The following SAR1B variants were observed in gnomAD, a reference collection of about 807,000 sequenced individuals.
SAR1B encodes the protein small COPII coat GTPase SAR1B.
SAR1B carries 23 observed loss-of-function variants against 26.8 expected under a neutral mutation model. The ratio of observed to expected loss-of-function variants is 0.86; its 90% CI spans 0.62 to 1.22. The LOEUF is 1.22. Ranked by LOEUF, SAR1B falls within the 50% of genes most tolerant of loss-of-function variation. SAR1B has a pLI of 0.00. For missense variants in SAR1B, 196 were observed against 232.8 expected (o/e 0.84, Z 1.03); for synonymous variants, 65 against 80.8 (o/e 0.80, Z 1.05).
At chr5:134,622,967 C>CA (rs1765436156) in intron 2 of SAR1B, among the ~76,000 whole-genome samples, 1 of 150,444 alleles carries the variant, frequency 6.6e-6, no homozygotes, top group African/African-American at 2.4e-5. Context: ...ACTAAAAATA[C>CA]AAAAAATTAG....
At chr5:134,629,894 A>T (rs181394747) in intron 1 of SAR1B, among the ~76,000 whole-genome samples, 77 of 150,304 alleles carry the variant, frequency 5.1e-4, no homozygotes, top group Middle Eastern at 3.4e-3. Flanking sequence ...TCAAAAAAAA[A>T]AAAAAGAAAA....
chr5:134,627,452 C>G (rs1249413809), intron 1 of SAR1B, among the ~76,000 whole-genome samples: 1 of 152,060 alleles, frequency 6.6e-6, no homozygotes, highest in Non-Finnish European at 1.5e-5. Context: ...CCCACCTCAA[C>G]CTCCTGAGTA....
intron 4 of SAR1B, 50 bp downstream of exon 4, chr5:134,612,641 T>TG (rs1765234275): frequency 1.3e-6 from 1 of 743,780 alleles, no homozygotes; most frequent in African/African-American, 4.6e-5. Context: ...TGAGCCTGTC[T>TG]AAAAAAAAAA....
Position 134,627,816 on chromosome 5 carries a change from A to ATAAG in SAR1B, c.-18-3780_-18-3779insCTTA. ...TCCATCCCAAAAAATAAATAAATAA[A>ATAAG]TAAATAAATAAATAAATAAATAAAT... On this transcript the variant is annotated intron_variant, in intron 1 of 6. Coordinates refer to ENST00000402673, the MANE Select transcript of SAR1B (RefSeq NM_016103.4). Among the ~76,000 whole-genome samples the ATAAG allele has an allele frequency of 2.0e-5, 3 of 147,096 alleles. No homozygotes were observed. In the South Asian group the frequency reaches 6.4e-4, roughly 32 times the overall value.
chr5:134,629,542 C>T (rs1765562141), intron 1 of SAR1B, among the ~76,000 whole-genome samples: 1 of 151,920 alleles, frequency 6.6e-6, no homozygotes, highest in Non-Finnish European at 1.5e-5. Context: ...ACTAAAAATA[C>T]AAAAATTAGC....
intron 3 of SAR1B, among the ~76,000 whole-genome samples, chr5:134,620,018 G>A (rs1483524988): frequency 6.6e-6 from 1 of 151,938 alleles, no homozygotes; most frequent in Non-Finnish European, 1.5e-5. Flanking sequence ...TTTAAAATCT[G>A]AAAGAAGCCT....
rs1031820916 is a variant in SAR1B at position 134,627,153 on chromosome 5, G to A, written c.-18-3116C>T. Among the ~76,000 whole-genome samples, 6 of 151,970 alleles carry A rather than the reference G, an allele frequency of 3.9e-5. No individual in the cohort carries two copies. The East Asian group carries it at 1.2e-3, about 30-fold the overall frequency. On this transcript the variant is annotated intron_variant, in intron 1 of 6. Coordinates refer to ENST00000402673, the MANE Select transcript of SAR1B (RefSeq NM_016103.4). ...TGTAAGCTCCACCTCCCAGGTTCAC[G>A]CCATTCTCCTGCCTCAGCCTCCCGA...
intron 2 of SAR1B, among the ~76,000 whole-genome samples, chr5:134,621,866 A>G (rs1431087846): frequency 2.6e-5 from 4 of 152,128 alleles, no homozygotes; most frequent in African/African-American, 9.7e-5. Context: ...CCTCCTGAGT[A>G]GCTGAGACTA....
At position 134,623,984 on chromosome 5, in the gene SAR1B, G is replaced by A. The variant is rs761708416; in HGVS notation, c.36C>T (p.Phe12=). 2.1e-5 allele frequency: 34 copies of A among 1,611,136 alleles called. No homozygotes were observed. The highest frequency in any genetic ancestry group is 2.9e-5 in the Non-Finnish European group (34 of 1,177,370). ...SFIFDWIYSG[F]SSVLQFLGLY... ...TACCTAAAAACTGTAGCACACTGCT[G>A]AAACCACTGTAAATCCAATCAAATA... The change falls in exon 2 of 7, where the codon TTC becomes TTT. Residue 12 remains phenylalanine, a synonymous_variant. Coordinates refer to ENST00000402673, the MANE Select transcript of SAR1B (RefSeq NM_016103.4).
chr5:134,614,095 C>T (rs773983038), intron 3 of SAR1B: 3 of 151,974 alleles, frequency 2.0e-5, no homozygotes, highest in Non-Finnish European at 4.4e-5. Context: ...CACTTGAGCC[C>T]AGGAGTTCGA....
In SAR1B at chr5:134,604,773, AC is replaced by A. The variant is rs1024163372; in HGVS notation, c.*2176del. The A allele has an allele frequency of 8.5e-5, 13 of 152,214 alleles. 1 individual carries two copies. The highest frequency in any genetic ancestry group is 7.2e-4 in the Admixed American group (11 of 15,284). 9.4% of individuals were successfully genotyped at this position (152,214 alleles called of 1,614,324 possible). ...ACCAGTATGTTTTTTTTTCATTTAT[AC>A]CCATTTACAACACAAATAATTAGCT... On this transcript the variant is annotated 3_prime_UTR_variant, in exon 7 of 7. Coordinates refer to ENST00000402673, the MANE Select transcript of SAR1B (RefSeq NM_016103.4).
intron 3 of SAR1B, among the ~76,000 whole-genome samples, chr5:134,619,983 C>T (rs1433104126): frequency 1.3e-5 from 2 of 151,964 alleles, no homozygotes; most frequent in Admixed American, 6.6e-5. Flanking sequence ...CCTGTCTCTA[C>T]ACAAATAAAA....
Position 134,605,659 on chromosome 5 carries a change from C to CAAAAAAAAAAAAAAAAAAAAAAACA in SAR1B, c.*1290_*1291insTGTTTTTTTTTTTTTTTTTTTTTTT, listed in dbSNP as rs1026047463. ...GTCTCTAAAACAAAATGAAACAGAG[C>CAAAAAAAAAAAAAAAAAAAAAAACA]AAAAAAAAAAAAAAAAAAAAAGCCC... On this transcript the variant is annotated 3_prime_UTR_variant, in exon 7 of 7. Transcript: ENST00000402673. 2.9e-5 allele frequency: 1 copy of CAAAAAAAAAAAAAAAAAAAAAAACA among 35,024 alleles called. No homozygotes were observed. 2.2% of individuals were successfully genotyped at this position (35,024 alleles called of 1,614,324 possible). A position where few individuals can be genotyped will look rare whatever the true frequency, so the allele number is the denominator to read the frequency against.
At chr5:134,611,717 G>A (rs926956435) in intron 4 of SAR1B, among the ~76,000 whole-genome samples, 2 of 152,138 alleles carry the variant, frequency 1.3e-5, no homozygotes, top group Admixed American at 1.3e-4. Context: ...AACTGAGAAT[G>A]GCTTCCCAAG....
In SAR1B at chr5:134,626,676, CAAGT is replaced by C. The variant is rs751362763; in HGVS notation, c.-18-2643_-18-2640del. Among the ~76,000 whole-genome samples the C allele has an allele frequency of 8.1e-4, 124 of 152,256 alleles. 2 individuals are homozygous for C. The highest frequency in any genetic ancestry group is 1.7e-3 in the Non-Finnish European group (115 of 68,022). ...TGTAATGGAACAGAATCTCAGATTA[CAAGT>C]AACTTCTTAAAGCCTTGTTCCATTA... On this transcript the variant is annotated intron_variant, in intron 1 of 6. Coordinates refer to ENST00000402673, the MANE Select transcript of SAR1B (RefSeq NM_016103.4).
chr5:134,619,718 C>A (rs1765374360), intron 3 of SAR1B, among the ~76,000 whole-genome samples: 1 of 152,028 alleles, frequency 6.6e-6, no homozygotes, highest in Non-Finnish European at 1.5e-5. Flanking sequence ...TAGATTAATT[C>A]TGTGGTGTAC....
At chr5:134,613,100 T>C (rs1342313863) in intron 3 of SAR1B, 4 of 328,030 alleles carry the variant, frequency 1.2e-5, no homozygotes, top group Non-Finnish European at 2.3e-5. Flanking sequence ...CACAAGTTAC[T>C]TCCTCCTTCC....
chr5:134,612,277 G>A (rs1051757582), intron 4 of SAR1B, among the ~76,000 whole-genome samples: 2 of 152,106 alleles, frequency 1.3e-5, no homozygotes, highest in Admixed American at 6.6e-5. Flanking sequence ...TTGGCCAGAA[G>A]TATCATGAAA....
At chr5:134,620,528 T>A (rs1404446912) in intron 3 of SAR1B, among the ~76,000 whole-genome samples, 1 of 152,078 alleles carries the variant, frequency 6.6e-6, no homozygotes, top group Non-Finnish European at 1.5e-5. Flanking sequence ...ACAGGTCAAA[T>A]CACCTGATCA....
Sources: allele counts gnomAD v4.1 joint callset (sites outside exome capture counted in the v4.1 genomes callset), GRCh38; gene constraint gnomAD v4.1.1; transcripts MANE v1.5; gene names NCBI Gene and HGNC (gene_info 2026-07-23, HGNC 2026-07-21).